ABCA7: variants seen among roughly 807,000 people sequenced by gnomAD.
ABCA7 encodes phospholipid-transporting ATPase ABCA7.
A neutral mutation model predicts 227.6 loss-of-function variants in ABCA7; 261 were observed. The observed-to-expected ratio is 1.15, with a 90% CI of 1.04 to 1.27. The LOEUF (loss-of-function observed/expected upper bound fraction) is 1.27. Among genes scored for constraint, ABCA7 ranks in the 50% most tolerant of loss-of-function variants. The pLI, the probability that ABCA7 is intolerant of heterozygous loss-of-function variation, is 0.00. For synonymous variants in ABCA7, 1,488 were observed against 1,279.7 expected (o/e 1.16, Z -3.47); for missense variants, 3,331 against 2,924.5 (o/e 1.14, Z -3.21).
rs751522585 is a variant in ABCA7, at chr19:1,057,932, T to C, written c.4898T>C (p.Leu1633Pro). 2 of 1,614,058 alleles carry C rather than the reference T, an allele frequency of 1.2e-6. No homozygotes were observed. The highest frequency in any genetic ancestry group is 1.6e-4 in the Middle Eastern group (1 of 6,062). The change falls in exon 36 of 47, where the codon CTC (leucine) becomes CCC (proline). Residue 1633 changes from leucine (L) to proline (P), a missense_variant. Transcript: ENST00000263094. ...LLLYGWSITPLMYPASFFFSV... is the reference protein window; with the variant it reads ...LLLYGWSITPPMYPASFFFSV... ...CCCTTCAGCTGGTCGATCACACCGC[T>C]CATGTACCCAGCCTCCTTCTTCTTC...
rs771992147 is a variant in ABCA7 at position 1,047,612 on chromosome 19, C to G, written c.2227C>G (p.Leu743Val). ...TGGCCTTCTGCTGCTGGACGCGGCG[C>G]TCTACGGCCTCGCCACCTGGTACCT... is the stretch of plus-strand genomic sequence containing the variant. ...VSGLLLLDAA[L>V]YGLATWYLEA... is the part of the protein sequence containing the mutation. The change falls in exon 16 of 47, where the codon CTC (leucine) becomes GTC (valine). Residue 743 changes from leucine to valine, a missense_variant. Physicochemically the swap from Leu to Val is conservative, Grantham distance 32 (BLOSUM62 1). Coordinates refer to ENST00000263094, the MANE Select transcript of ABCA7 (RefSeq NM_019112.4). 2 of 1,601,348 alleles carry G rather than the reference C, an allele frequency of 1.2e-6. No individual in the cohort carries two copies. Among genetic ancestry groups the G allele is most frequent in the African/African-American group, 1.3e-5 (1 of 74,996 alleles).
intron 30 of ABCA7, 130 bp downstream of exon 30, chr19:1,055,481 C>T (rs1345141124): frequency 1.6e-5 from 14 of 887,982 alleles, no homozygotes; most frequent in African/African-American, 3.5e-5. Context: ...CTGGGAGTCT[C>T]GCGTACCTTC....
In ABCA7 at chr19:1,042,183, A is replaced by C. The variant is rs760624532; in HGVS notation, c.415+7A>C. On this transcript the variant is annotated splice_region_variant and intron_variant, in intron 5 of 46. Coordinates refer to ENST00000263094, the MANE Select transcript of ABCA7 (RefSeq NM_019112.4). ...AGGGCTGCACGCAGCACGGGTGAGG[A>C]GGCCGGGGGGCCTCTGGCAGGGCTG... The C allele has an allele frequency of 6.2e-7, 1 of 1,600,556 alleles. No homozygotes were observed.
Position 1,054,152 on chromosome 19 carries a change from C to A in ABCA7, c.3578-41C>A. 6.2e-7 allele frequency: 1 copy of A among 1,612,364 alleles called. No homozygotes were observed. Among genetic ancestry groups the A allele is most frequent in the Non-Finnish European group, 8.5e-7 (1 of 1,179,620 alleles). On this transcript the variant is annotated intron_variant, in intron 26 of 46. Transcript: ENST00000263094. The surrounding 1 kb of genome is among the most constrained non-coding windows in gnomAD (Gnocchi z 4.8). ...GGCCCTGGGGTCCTCCCAGCCACCC[C>A]CCCACAGCAGCGTGAGCACTGACCC... is the stretch of plus-strand genomic sequence containing the variant.
At chr19:1,046,177 C>T (rs1265323410) in intron 12 of ABCA7, 53 bp from the exon 13 acceptor site, 26 of 1,584,984 alleles carry the variant, frequency 1.6e-5, no homozygotes, top group Non-Finnish European at 2.1e-5. Context: ...CAGGGTGGGG[C>T]CCCGGGAGTT....
intron 9 of ABCA7, 30 bp from the exon 10 acceptor site, chr19:1,043,695 G>A (rs771743560): frequency 3.7e-6 from 6 of 1,606,658 alleles, no homozygotes; most frequent in Non-Finnish European, 4.2e-6. Flanking sequence ...AGGAGGAGAG[G>A]GTCATCAGTG....
rs369433123 is a variant in ABCA7 at position 1,048,970 on chromosome 19, G to T, written c.2345G>T (p.Ser782Ile). ...SYWCGPRPPK[S>I]PAPCPTPLDP... ...TGGTGCGGACCTCGGCCCCCCAAGA[G>T]TCCAGCCCCTTGCCCCACCCCGCTG... Residue 782 changes from serine (S) to isoleucine (I), a missense_variant, in exon 17 of 47, where the codon AGT (serine) becomes ATT (isoleucine). Transcript: ENST00000263094. 145 of 1,607,490 alleles carry T rather than the reference G, an allele frequency of 9.0e-5. No individual in the cohort carries two copies. The highest frequency in any genetic ancestry group is 1.2e-4 in the Non-Finnish European group (141 of 1,177,524).
rs758371487 is a variant in ABCA7, at chr19:1,055,217, C to A, written c.4071C>A (p.Pro1357=). The A allele has an allele frequency of 6.2e-7, 1 of 1,608,504 alleles. No homozygotes were observed. The highest frequency in any genetic ancestry group is 8.5e-7 in the Non-Finnish European group (1 of 1,177,996). ...CSRPGARRLL[P]DCPAAAGGPP... ...GGCCCGGTGCCCGGCGCCTGCTGCC[C>A]GACTGCCCGGCTGCAGCTGGTGGTC... is the stretch of plus-strand genomic sequence containing the variant. The change falls in exon 30 of 47, where the codon CCC becomes CCA. Residue 1357 remains proline, a synonymous_variant. Coordinates refer to ENST00000263094, the MANE Select transcript of ABCA7 (RefSeq NM_019112.4).
At chr19:1,051,821 TGAG>T (rs2041657977) in intron 21 of ABCA7, 118 bp from the exon 22 acceptor site, 1 of 1,345,276 alleles carries the variant, frequency 7.4e-7, no homozygotes, top group Admixed American at 2.0e-5. Flanking sequence ...GTTCTGGGGA[TGAG>T]GTTTTGAGGG....
At position 1,057,376 on chromosome 19, in the gene ABCA7, A is replaced by C. The variant is rs1335081398; in HGVS notation, c.4827A>C (p.Ala1609=). The change falls in exon 35 of 47, where the codon GCA becomes GCC. Residue 1609 remains alanine (A), a synonymous_variant. Transcript: ENST00000263094. The stretch of plus-strand genomic sequence containing the variant: ...TCTTTCTGGCCTTCCAGCAGAGGGC[A>C]TATGTGGCCCCTGCCAACCTGCCTG... ...VLIFLAFQQR[A]YVAPANLPAL... The C allele has an allele frequency of 6.2e-7, 1 of 1,613,794 alleles. No homozygotes were observed. Among genetic ancestry groups the C allele is most frequent in the African/African-American group, 1.3e-5 (1 of 74,906 alleles).
intron 7 of ABCA7, 97 bp downstream of exon 7, chr19:1,042,923 T>C (rs2040207752): frequency 6.6e-7 from 1 of 1,507,474 alleles, no homozygotes; most frequent in African/African-American, 1.4e-5. Flanking sequence ...TTCCCTTGGG[T>C]GGGTTTTCAG....
intron 13 of ABCA7, 43 bp from the exon 14 acceptor site, chr19:1,046,759 T>C (rs1411487780): frequency 1.3e-6 from 2 of 1,508,822 alleles, no homozygotes; most frequent in Non-Finnish European, 1.8e-6. Flanking sequence ...AGGGGGGGTC[T>C]GCGGAGGGTC....
At chr19:1,063,950 G>C in intron 44 of ABCA7, 87 bp downstream of exon 44, 3 of 1,443,086 alleles carry the variant, frequency 2.1e-6, no homozygotes, top group Non-Finnish European at 2.7e-6. Context: ...ACAGGGGATG[G>C]GGGGTCCTGG....
At position 1,048,910 on chromosome 19, in the gene ABCA7, C is replaced by A. The variant is rs1479275514; in HGVS notation, c.2285C>A (p.Pro762His). Reference sequence around the variant, plus strand: ...CTCCCCGCAGGCCAGTACGGGATCCCTGAACCATGGAATTTTCCTTTTCGG... The same window carrying A: ...CTCCCCGCAGGCCAGTACGGGATCCATGAACCATGGAATTTTCCTTTTCGG... ...EAVCPGQYGI[P>H]EPWNFPFRRS... The change falls in exon 17 of 47, where the codon CCT becomes CAT. Residue 762 changes from proline (P) to histidine (H), a missense_variant. By Grantham distance (77) the Pro-to-His change is moderately conservative. Coordinates refer to ENST00000263094, the MANE Select transcript of ABCA7 (RefSeq NM_019112.4). 5.0e-6 allele frequency: 8 copies of A among 1,608,872 alleles called. No individual in the cohort carries two copies. The highest frequency in any genetic ancestry group is 6.8e-6 in the Non-Finnish European group (8 of 1,178,002).
intron 3 of ABCA7, 81 bp from the exon 4 acceptor site, chr19:1,041,750 A>T: frequency 6.3e-7 from 1 of 1,588,324 alleles, no homozygotes; most frequent in Non-Finnish European, 8.5e-7. Context: ...CGCTGGAGGC[A>T]TGCAAGCGGT....
At chr19:1,047,048 G>T (rs902299392) in intron 14 of ABCA7, 24 bp downstream of exon 14, 7 of 1,551,676 alleles carry the variant, frequency 4.5e-6, no homozygotes, top group South Asian at 3.5e-5. Context: ...GGCCTGCCCG[G>T]CTGCAGAATG....
intron 11 of ABCA7, 82 bp downstream of exon 11, chr19:1,044,826 G>T (rs953441463): frequency 8.6e-6 from 13 of 1,503,324 alleles, no homozygotes; most frequent in African/African-American, 6.9e-5. Context: ...GTGTTCCCAG[G>T]GGGAGGCGGG....
chr19:1,059,127 G>A (rs2042482153), intron 40 of ABCA7, 42 bp downstream of exon 40: 2 of 1,593,806 alleles, frequency 1.3e-6, no homozygotes, highest in Non-Finnish European at 1.7e-6. Context: ...ACAGTGAGTG[G>A]CTGCCCTACT....
intron 10 of ABCA7, 75 bp from the exon 11 acceptor site, chr19:1,044,502 C>A: frequency 6.5e-7 from 1 of 1,527,668 alleles, no homozygotes; most frequent in South Asian, 1.2e-5. Context: ...CCCGCCTCGC[C>A]TCCCAAAGTG....
Sources: gnomAD v4.1 joint callset for allele counts on GRCh38, gnomAD v4.1.1 for gene constraint, Gnocchi (gnomAD v3.1) non-coding constraint, MANE v1.5 for transcripts, NCBI Gene and HGNC (gene_info 2026-07-23, HGNC 2026-07-21) for gene names.